Variants in HERC4 observed in about 807,000 individuals in gnomAD.
The protein encoded by HERC4 is HECT and RLD domain containing E3 ubiquitin protein ligase 4.
HERC4 carries 28 observed loss-of-function variants against 124.3 expected under a neutral mutation model. That is an observed-to-expected ratio of 0.23 (90% CI 0.17 to 0.31). The LOEUF is 0.31. Ranked by LOEUF, HERC4 falls within the 10% of genes least tolerant of loss-of-function variation. The pLI, the probability that HERC4 is intolerant of heterozygous loss-of-function variation, is 1.00. For missense variants in HERC4, 713 were observed against 1,229.3 expected (o/e 0.58, Z 6.28); for synonymous variants, 407 against 421.5 (o/e 0.97, Z 0.42).
At chr10:67,983,284 G>A (rs1042806380) in intron 15 of HERC4, among the ~76,000 whole-genome samples, 18 of 152,138 alleles carry the variant, frequency 1.2e-4, no homozygotes, top group African/African-American at 4.1e-4. Flanking sequence ...ATGTAAATTA[G>A]TACAACCATT....
At chr10:68,069,396 G>A (rs1292905434) in intron 3 of HERC4, 1 of 985,158 alleles carries the variant, frequency 1.0e-6, no homozygotes, top group Non-Finnish European at 1.2e-6. Context: ...AAAGCCAGTA[G>A]TGATAGAAAA....
intron 9 of HERC4, chr10:67,992,998 A>AAAAAATAGAAC (rs2036633860): frequency 5.6e-6 from 1 of 178,752 alleles, no homozygotes; most frequent in Admixed American, 6.2e-5. Flanking sequence ...GATGATTTAA[A>AAAAAATAGAAC]AAAAATAGAA....
intron 9 of HERC4, among the ~76,000 whole-genome samples, chr10:67,997,317 A>G (rs1458806318): frequency 2.0e-5 from 3 of 152,192 alleles, no homozygotes; most frequent in African/African-American, 7.2e-5. Flanking sequence ...ATAATATTCT[A>G]TGCTTTATGT....
At chr10:67,966,624 C>CT (rs771640859) in intron 16 of HERC4, 59 bp downstream of exon 16, 6 of 1,507,336 alleles carry the variant, frequency 4.0e-6, no homozygotes, top group South Asian at 3.9e-5. Context: ...GCAATTGTTT[C>CT]TTTTTTTATT....
At position 68,060,882 on chromosome 10, in the gene HERC4, G is replaced by A. The variant is rs79471652; in HGVS notation, c.226+12001C>T. ...CTGTACTTTGTATCAATTGTGGGAA[G>A]CAATTTAAGATCTACTTTATCCTCG... On this transcript the variant is annotated intron_variant, in intron 3 of 24. Coordinates refer to ENST00000373700, the MANE Select transcript of HERC4 (RefSeq NM_015601.4). Among the ~76,000 whole-genome samples the A allele has an allele frequency of 4.2e-3, 644 of 151,922 alleles. 5 individuals carry two copies. Among genetic ancestry groups the A allele is most frequent in the African/African-American group, 0.015 (615 of 41,442 alleles).
At chr10:67,980,544 T>C (rs2035868111) in intron 15 of HERC4, among the ~76,000 whole-genome samples, 1 of 152,044 alleles carries the variant, frequency 6.6e-6, no homozygotes, top group Non-Finnish European at 1.5e-5. Context: ...GAAAAAAACA[T>C]TAATGGGCAA....
intron 19 of HERC4, among the ~76,000 whole-genome samples, chr10:67,944,031 C>T (rs570314111): frequency 3.6e-4 from 55 of 152,362 alleles, no homozygotes; most frequent in African/African-American, 1.0e-3. Context: ...ACTCTCTGCA[C>T]TGAAGGGAAG....
intron 3 of HERC4, among the ~76,000 whole-genome samples, chr10:68,053,785 T>C (rs1467368485): frequency 6.6e-6 from 1 of 152,204 alleles, no homozygotes; most frequent in African/African-American, 2.4e-5. Flanking sequence ...TGAATGCCCA[T>C]GTCCAGGAAT....
chr10:68,034,454 T>A (rs1452738381), intron 5 of HERC4, among the ~76,000 whole-genome samples: 1 of 152,124 alleles, frequency 6.6e-6, no homozygotes, highest in Non-Finnish European at 1.5e-5. Context: ...CAAGGAATAA[T>A]CTCATTTCCT....
chr10:67,949,974 G>T (rs751028485), intron 19 of HERC4, among the ~76,000 whole-genome samples: 1 of 151,982 alleles, frequency 6.6e-6, no homozygotes, highest in Non-Finnish European at 1.5e-5. Flanking sequence ...AGCTGAGATT[G>T]TGCCACTGCA....
intron 3 of HERC4, among the ~76,000 whole-genome samples, chr10:68,061,027 T>C (rs776561693): frequency 3.3e-5 from 5 of 152,190 alleles, no homozygotes; most frequent in Non-Finnish European, 5.9e-5. Flanking sequence ...AGGACCGCTT[T>C]TAGCCTCACC....
chr10:67,975,280 AAC>A (rs1244503389), intron 15 of HERC4, among the ~76,000 whole-genome samples: 1 of 152,224 alleles, frequency 6.6e-6, no homozygotes, highest in Non-Finnish European at 1.5e-5. Flanking sequence ...GTCTCATTTA[AAC>A]AGTCTTATGA....
At chr10:67,973,344 G>C (rs748917757) in intron 15 of HERC4, among the ~76,000 whole-genome samples, 10 of 152,328 alleles carry the variant, frequency 6.6e-5, no homozygotes, top group Middle Eastern at 3.4e-3. Flanking sequence ...TCAACATGCA[G>C]TTGGGAAATA....
intron 11 of HERC4, 93 bp from the exon 12 acceptor site, chr10:67,991,292 A>C (rs928481327): frequency 2.9e-5 from 19 of 660,296 alleles, no homozygotes; most frequent in Admixed American, 2.7e-4. Context: ...TAATTAATCT[A>C]ATGTTTAATG....
chr10:68,060,404 AT>A (rs1244395748), intron 3 of HERC4, among the ~76,000 whole-genome samples: 1 of 151,896 alleles, frequency 6.6e-6, no homozygotes, highest in African/African-American at 2.4e-5. Context: ...TACCCAGCTA[AT>A]TTTTGTATTT....
chr10:68,037,287 G>A (rs2039528621), intron 5 of HERC4, among the ~76,000 whole-genome samples: 1 of 151,676 alleles, frequency 6.6e-6, no homozygotes, highest in Admixed American at 6.6e-5. Flanking sequence ...GTAGGCACAG[G>A]GTTTTACCAT....
At chr10:67,990,165 AT>A (rs760853867) in intron 14 of HERC4, 45 bp downstream of exon 14, 3 of 1,464,600 alleles carry the variant, frequency 2.0e-6, no homozygotes, top group Non-Finnish European at 2.8e-6. Flanking sequence ...AAGCATTTTC[AT>A]TTAAAGAGAA....
At chr10:68,057,823 CTG>C (rs955950741) in intron 3 of HERC4, among the ~76,000 whole-genome samples, 4 of 151,814 alleles carry the variant, frequency 2.6e-5, no homozygotes, top group African/African-American at 9.7e-5. Flanking sequence ...CCTCAGCCTC[CTG>C]AGTAGCTGGG....
Position 68,003,784 on chromosome 10 carries a change from A to G in HERC4, c.1069+10242T>C, listed in dbSNP as rs765534566. Among the ~76,000 whole-genome samples the G allele has an allele frequency of 2.3e-4, 35 of 152,286 alleles. 1 individual carries two copies. The highest frequency in any genetic ancestry group is 3.4e-3 in the Middle Eastern group (1 of 294). Reference sequence around the variant, plus strand: ...GTTGATGAACACTTAAATTGATTCCAAATACTGGCTATTATGAATAGTGCT... The same window carrying G: ...GTTGATGAACACTTAAATTGATTCCGAATACTGGCTATTATGAATAGTGCT... On this transcript the variant is annotated intron_variant, in intron 9 of 24. Coordinates refer to ENST00000373700, the MANE Select transcript of HERC4 (RefSeq NM_015601.4).
Sources: allele counts gnomAD v4.1 joint callset (sites outside exome capture counted in the v4.1 genomes callset), GRCh38; gene constraint gnomAD v4.1.1; transcripts MANE v1.5; gene names NCBI Gene and HGNC (gene_info 2026-07-23, HGNC 2026-07-21).